The following FRMD1 variants were observed in gnomAD, a reference collection of about 807,000 sequenced individuals.
FRMD1 encodes the protein FERM domain containing 1, also known as FERM domain-containing protein 1.
In FRMD1, 51 loss-of-function variants were observed where a neutral mutation model predicts 54.9. The ratio of observed to expected loss-of-function variants is 0.93; its 90% CI spans 0.74 to 1.17. FRMD1 has a LOEUF of 1.17. FRMD1 is among the 50% of genes most tolerant of loss of function. The pLI, the probability that FRMD1 is intolerant of heterozygous loss-of-function variation, is 0.00. For synonymous variants in FRMD1, 324 were observed against 306.4 expected, an observed-to-expected ratio of 1.06 and a Z score of -0.60; for missense variants, 729 against 743.0, an observed-to-expected ratio of 0.98 and a Z score of 0.22.
At position 168,079,055 on chromosome 6, in the gene FRMD1, G is replaced by A. The variant is rs373045651; in HGVS notation, c.40C>T (p.Arg14Trp). The A allele has an allele frequency of 5.5e-5, 88 of 1,610,054 alleles. No individual in the cohort carries two copies. The highest frequency in any genetic ancestry group is 1.2e-4 in the African/African-American group (9 of 74,886). The change falls in exon 1 of 11, where the codon CGG (arginine) becomes TGG (tryptophan). Residue 14 changes from arginine to tryptophan, a missense_variant. By Grantham distance (101) the Arg-to-Trp change is moderately radical. Coordinates refer to ENST00000283309, the MANE Select transcript of FRMD1 (RefSeq NM_024919.6). ...GGAGGGAACGTGTCAGGGTTTGTCCGGGCGGGGTCTATGCCCCTCCCTCTC... is the reference window on the plus strand; with the variant it reads ...GGAGGGAACGTGTCAGGGTTTGTCCAGGCGGGGTCTATGCCCCTCCCTCTC... ...PPRGRGIDPA[R>W]TNPDTFPPSG...
intron 1 of FRMD1, among the ~76,000 whole-genome samples, chr6:168,088,462 G>T (rs1800959647): frequency 6.6e-6 from 1 of 152,200 alleles, no homozygotes; most frequent in South Asian, 2.1e-4. Context: ...GCAGATGCTT[G>T]GAATTCTCCC....
In FRMD1 at chr6:168,053,285, G is replaced by A. The variant is rs561603064; in HGVS notation, c.*3812C>T. On this transcript the variant is annotated 3_prime_UTR_variant, in exon 11 of 11. Coordinates refer to ENST00000283309, the MANE Select transcript of FRMD1 (RefSeq NM_024919.6). The stretch of plus-strand genomic sequence containing the variant: ...CCTCCCCATCACAGCTCGCCGCCGT[G>A]AGAACGGTCATGGGCCCGGCTGCAG... The A allele has an allele frequency of 2.6e-5, 4 of 152,254 alleles. No homozygotes were observed. The highest frequency in any genetic ancestry group is 5.9e-5 in the Non-Finnish European group (4 of 68,060). The allele number at this position is 152,254 out of a possible 1,614,324, so 9.4% of individuals were successfully genotyped here.
At position 168,063,766 on chromosome 6, in the gene FRMD1, G is replaced by C. The variant is rs1162951059; in HGVS notation, c.649-10C>G. 1.9e-6 allele frequency: 3 copies of C among 1,606,068 alleles called. No individual in the cohort carries two copies. Among genetic ancestry groups the C allele is most frequent in the Non-Finnish European group, 2.6e-6 (3 of 1,176,018 alleles). On this transcript the variant is annotated splice_polypyrimidine_tract_variant and intron_variant, in intron 5 of 10. Coordinates refer to ENST00000283309, the MANE Select transcript of FRMD1 (RefSeq NM_024919.6). Reference sequence around the variant, plus strand: ...CCCTCTTGGTGATGATCTGAGGACAGAGCCGGGAGGTCAGCTCAGACCCCT... The same window carrying C: ...CCCTCTTGGTGATGATCTGAGGACACAGCCGGGAGGTCAGCTCAGACCCCT...
upstream of FRMD1, among the ~76,000 whole-genome samples, chr6:168,082,387 C>T (rs772782320): frequency 2.2e-4 from 33 of 152,320 alleles, no homozygotes; most frequent in Non-Finnish European, 4.0e-4. Context: ...TCTCTCCCTT[C>T]GGCCACCCGA....
Position 168,079,091 on chromosome 6 carries a change from C to T in FRMD1, c.4G>A (p.Ala2Thr), listed in dbSNP as rs755704556. ...ATGCCCCTCCCTCTCGGGGGCACCGCCATGCTGTCGTTACTCGGCCCTCCC... is the reference window on the plus strand; with the variant it reads ...ATGCCCCTCCCTCTCGGGGGCACCGTCATGCTGTCGTTACTCGGCCCTCCC... Reference protein sequence around the residue: MAVPPRGRGIDP... With the variant: MTVPPRGRGIDP... The change falls in exon 1 of 11, where the codon GCG becomes ACG. Residue 2 changes from alanine to threonine, a missense_variant. Physicochemically the swap from Ala to Thr is moderately conservative, Grantham distance 58. Coordinates refer to ENST00000283309, the MANE Select transcript of FRMD1 (RefSeq NM_024919.6). The T allele has an allele frequency of 6.2e-7, 1 of 1,600,240 alleles. No individual in the cohort carries two copies. The highest frequency in any genetic ancestry group is 8.5e-7 in the Non-Finnish European group (1 of 1,177,000).
At chr6:168,090,575 T>G (rs1280185284) in intron 1 of FRMD1, among the ~76,000 whole-genome samples, 1 of 152,232 alleles carries the variant, frequency 6.6e-6, no homozygotes, top group Non-Finnish European at 1.5e-5. Context: ...CAAGCCTGCA[T>G]GTTCATGGCT....
At chr6:168,078,539 C>CG (rs1800692147) in intron 1 of FRMD1, among the ~76,000 whole-genome samples, 1 of 148,080 alleles carries the variant, frequency 6.8e-6, no homozygotes. Context: ...CTCACCCCCA[C>CG]GGCCCTGCTC....
Position 168,059,295 on chromosome 6 carries a change from C to A in FRMD1, c.1343-107G>T. ...TGGGGCCCTGGTCTCGGACCGGCATCTCCTGAGGCTCACACCGCCCCCTTG... is the reference window on the plus strand; with the variant it reads ...TGGGGCCCTGGTCTCGGACCGGCATATCCTGAGGCTCACACCGCCCCCTTG... On this transcript the variant is annotated intron_variant, in intron 9 of 10. Transcript: ENST00000283309. This position sits in a 1 kb window ranked among gnomAD's most constrained non-coding sequence, Gnocchi z 4.4. 1 of 884,218 alleles carries A rather than the reference C, an allele frequency of 1.1e-6. No homozygotes were observed. Among genetic ancestry groups the A allele is most frequent in the Non-Finnish European group, 1.7e-6 (1 of 571,652 alleles). The allele number at this position is 884,218 out of a possible 1,614,324, so 54.8% of individuals were successfully genotyped here.
chr6:168,092,684 A>C (rs1452553433), intron 1 of FRMD1, among the ~76,000 whole-genome samples: 1 of 152,204 alleles, frequency 6.6e-6, no homozygotes, highest in African/African-American at 2.4e-5. Context: ...CTCAGGCTTC[A>C]AGCCTCCAGA....
In FRMD1 at chr6:168,056,831, C is replaced by A. The variant is rs192739754; in HGVS notation, c.*266G>T. The A allele has an allele frequency of 3.8e-4, 124 of 330,144 alleles. 2 individuals carry two copies. Among genetic ancestry groups the A allele is most frequent in the Admixed American group, 3.1e-4 (7 of 22,270 alleles). 20.5% of individuals were successfully genotyped at this position (330,144 alleles called of 1,614,324 possible). A position where few individuals can be genotyped will look rare whatever the true frequency, so the allele number is the denominator to read the frequency against. On this transcript the variant is annotated 3_prime_UTR_variant, in exon 11 of 11. Coordinates refer to ENST00000283309, the MANE Select transcript of FRMD1 (RefSeq NM_024919.6). ...CCATGGCTCTCTGGACACTTGACAG[C>A]CAGACCTTGAACTGGCTCCCTGAGA...
intron 1 of FRMD1, among the ~76,000 whole-genome samples, chr6:168,077,878 C>A (rs1039358926): frequency 3.9e-5 from 6 of 152,220 alleles, no homozygotes; most frequent in African/African-American, 9.6e-5. Flanking sequence ...ACAGGACATC[C>A]CCCATTAGCT....
chr6:168,057,606 G>A (rs1206612228), intron 10 of FRMD1: 2 of 508,742 alleles, frequency 3.9e-6, no homozygotes, highest in Non-Finnish European at 7.0e-6. Context: ...TAACTCAGTG[G>A]ACCTGGACTC....
At chr6:168,078,787 G>T in intron 1 of FRMD1, 95 bp downstream of exon 1, 2 of 84,038 alleles carry the variant, frequency 2.4e-5, no homozygotes, top group Non-Finnish European at 3.5e-5. Flanking sequence ...CACCCCCACG[G>T]CCACCCAGGG....
intron 2 of FRMD1, among the ~76,000 whole-genome samples, chr6:168,071,802 G>A (rs185468046): frequency 7.9e-5 from 12 of 152,318 alleles, no homozygotes; most frequent in East Asian, 1.9e-4. Flanking sequence ...CTGCCTGGCC[G>A]CCAGTGGGAG....
chr6:168,078,482 T>C (rs4708635), intron 1 of FRMD1, among the ~76,000 whole-genome samples: 133,083 of 151,620 alleles, frequency 0.88, 58,454 homozygotes, highest in South Asian at 0.9. Flanking sequence ...CCAGGGACTT[T>C]CCATACACAG....
chr6:168,069,241 A>T lies in FRMD1; in HGVS notation c.305-1795T>A, dbSNP rs139485341. On this transcript the variant is annotated intron_variant, in intron 2 of 10. Coordinates refer to ENST00000283309, the MANE Select transcript of FRMD1 (RefSeq NM_024919.6). ...AGGACCCTCAGAGCCAGGGGTTAGC[A>T]AACCAGGGCCCCAGGCCAAACCCCA... is the stretch of plus-strand genomic sequence containing the variant. Among the ~76,000 whole-genome samples, 268 of 152,324 alleles carry T rather than the reference A, an allele frequency of 1.8e-3. 2 individuals carry two copies. The highest frequency in any genetic ancestry group is 6.1e-3 in the African/African-American group (255 of 41,574).
At chr6:168,065,960 T>C in intron 4 of FRMD1, 2 of 1,000,272 alleles carry the variant, frequency 2.0e-6, no homozygotes, top group Non-Finnish European at 1.2e-6. Flanking sequence ...TTTGTTACCC[T>C]AGAAGCTCTA....
upstream of FRMD1, among the ~76,000 whole-genome samples, chr6:168,086,247 ACCCGCG>A (rs1223294787): frequency 0.016 from 2,423 of 149,492 alleles, 61 homozygotes; most frequent in African/African-American, 0.057. Context: ...CAGTGTGGAC[ACCCGCG>A]TCCCCAGCAT....
At chr6:168,089,775 T>C (rs980418451) in intron 1 of FRMD1, among the ~76,000 whole-genome samples, 4 of 152,142 alleles carry the variant, frequency 2.6e-5, no homozygotes, top group African/African-American at 9.7e-5. Context: ...TGCTCAGGTT[T>C]CACTAGAAAA....
Sources: gnomAD v4.1 joint callset for allele counts (sites outside exome capture counted in the v4.1 genomes callset) on GRCh38, gnomAD v4.1.1 for gene constraint, Gnocchi (gnomAD v3.1) non-coding constraint, MANE v1.5 for transcripts, NCBI Gene and HGNC (gene_info 2026-07-23, HGNC 2026-07-21) for gene names.